The following ZNF814 variants were observed in gnomAD, a reference collection of about 807,000 sequenced individuals.
ZNF814 encodes zinc finger protein 814.
In ZNF814, 5 loss-of-function variants were observed where a neutral mutation model predicts 7.5. That is an observed-to-expected ratio of 0.67 (90% CI 0.35 to 1.40). The LOEUF is 1.40. Among genes scored for constraint, ZNF814 ranks in the 40% most tolerant of loss-of-function variants. The pLI is 0.04. For synonymous variants in ZNF814, 315 were observed against 340.7 expected (o/e 0.92, Z 0.83); for missense variants, 962 against 1,018.0 (o/e 0.94, Z 0.75).
At chr19:57,890,356 T>G (rs749193911), upstream of ZNF814, among the ~76,000 whole-genome samples, 2 of 151,920 alleles carry the variant, frequency 1.3e-5, no homozygotes, top group South Asian at 2.1e-4. Flanking sequence ...TGTTGTTGTT[T>G]ATTTGTTTGT....
the ZNF814 span, among the ~76,000 whole-genome samples, chr19:57,896,924 T>C: frequency 6.6e-6 from 1 of 152,098 alleles, no homozygotes; most frequent in East Asian, 1.9e-4. This position sits in a 1 kb window ranked among gnomAD's most constrained non-coding sequence, Gnocchi z 4.2. Context: ...TTTCAACAGT[T>C]AAAGGGAGTC....
chr19:57,869,909 C>T lies in ZNF814; in HGVS notation c.*2913G>A, dbSNP rs2071541867. 1 of 147,448 alleles carries T rather than the reference C, an allele frequency of 6.8e-6. No individual in the cohort carries two copies. Among genetic ancestry groups the T allele is most frequent in the Non-Finnish European group, 1.5e-5 (1 of 67,696 alleles). The allele number at this position is 147,448 out of a possible 1,614,324, so 9.1% of individuals were successfully genotyped here. A position where few individuals can be genotyped will look rare whatever the true frequency, so the allele number is the denominator to read the frequency against. ...GCAATGAGCCAAGGTCATGCCACTG[C>T]ACTCCAGCCTGGCTGACAGTGAGAC... On this transcript the variant is annotated 3_prime_UTR_variant, in exon 3 of 3. Coordinates refer to ENST00000435989, the MANE Select transcript of ZNF814 (RefSeq NM_001144989.2).
Position 57,874,760 on chromosome 19 carries a change from C to G in ZNF814, c.630G>C (p.Gly210=). 6.2e-7 allele frequency: 1 copy of G among 1,613,630 alleles called. No homozygotes were observed. The highest frequency in any genetic ancestry group is 8.5e-7 in the Non-Finnish European group (1 of 1,179,788). ...KTECVSPIQC[G]GAHYSCGESM... Reference sequence around the variant, plus strand: ...ATTCTCCACAGCTGTAGTGAGCTCCCCCACACTGAATGGGAGACACACACT... The same window carrying G: ...ATTCTCCACAGCTGTAGTGAGCTCCGCCACACTGAATGGGAGACACACACT... Residue 210 remains glycine (G), a synonymous_variant, in exon 3 of 3, where the codon GGG becomes GGC. Transcript: ENST00000435989.
intron 1 of ZNF814, among the ~76,000 whole-genome samples, chr19:57,884,913 C>A (rs2071677207): frequency 6.6e-6 from 1 of 152,120 alleles, no homozygotes; most frequent in South Asian, 2.1e-4. Flanking sequence ...TGGGTATAAA[C>A]CAAAAGGAAT....
the ZNF814 span, among the ~76,000 whole-genome samples, chr19:57,904,329 A>T: frequency 1.1e-3 from 167 of 152,164 alleles, no homozygotes; most frequent in African/African-American, 3.9e-3. Context: ...GGGCTCCTAG[A>T]GCTCAGGGCC....
intron 1 of ZNF814, among the ~76,000 whole-genome samples, chr19:57,887,004 A>G (rs2071699197): frequency 6.6e-6 from 1 of 151,796 alleles, no homozygotes; most frequent in African/African-American, 2.4e-5. Context: ...CCTGACCAAC[A>G]TGGAGAAACC....
chr19:57,877,298 A>T (rs1227177201), intron 1 of ZNF814, among the ~76,000 whole-genome samples: 6 of 152,140 alleles, frequency 3.9e-5, no homozygotes, highest in Non-Finnish European at 5.9e-5. Context: ...TGGAAAGCCC[A>T]ATGTGGCACC....
At chr19:57,897,139 A>G in the ZNF814 span, among the ~76,000 whole-genome samples, 2 of 152,190 alleles carry the variant, frequency 1.3e-5, no homozygotes, top group African/African-American at 2.4e-5. Flanking sequence ...TAAGGCCATA[A>G]CTGACAAAAC....
intron 1 of ZNF814, among the ~76,000 whole-genome samples, chr19:57,884,407 G>C (rs760453435): frequency 3.3e-5 from 5 of 152,134 alleles, no homozygotes; most frequent in Non-Finnish European, 5.9e-5. Flanking sequence ...GAGCCTAGGA[G>C]TTTATAACCA....
At chr19:57,875,335 G>C in intron 2 of ZNF814, 109 bp from the exon 3 acceptor site, 1 of 1,608,290 alleles carries the variant, frequency 6.2e-7, no homozygotes, top group Non-Finnish European at 8.5e-7. Context: ...GAACTACTTG[G>C]AGGAACAGGA....
the ZNF814 span, among the ~76,000 whole-genome samples, chr19:57,896,181 A>C: frequency 2.0e-5 from 3 of 152,074 alleles, no homozygotes; most frequent in Non-Finnish European, 4.4e-5. This position sits in a 1 kb window ranked among gnomAD's most constrained non-coding sequence, Gnocchi z 4.2. Flanking sequence ...CTCAAAAAAA[A>C]AAAAAAAAAA....
At chr19:57,899,416 C>G in the ZNF814 span, among the ~76,000 whole-genome samples, 2 of 152,176 alleles carry the variant, frequency 1.3e-5, no homozygotes, top group Non-Finnish European at 2.9e-5. Flanking sequence ...AACTTCTACT[C>G]CCTTTCAATA....
In ZNF814 at chr19:57,872,861, G is replaced by A. The variant is rs1471381996; in HGVS notation, c.2529C>T (p.Leu843=). The part of the protein sequence containing the change: ...CGKLFNKKSH[L]LVHQSSHWRK... ...TCCAGTGTGAACTCTGGTGTACAAG[G>A]AGGTGAGACTTCTTGTTAAATAATT... The change falls in exon 3 of 3, where the codon CTC becomes CTT. Residue 843 remains leucine, a synonymous_variant. Coordinates refer to ENST00000435989, the MANE Select transcript of ZNF814 (RefSeq NM_001144989.2). 1 of 1,612,610 alleles carries A rather than the reference G, an allele frequency of 6.2e-7. No homozygotes were observed. The highest frequency in any genetic ancestry group is 8.5e-7 in the Non-Finnish European group (1 of 1,179,426).
At chr19:57,891,904 C>T (rs145136192), upstream of ZNF814, among the ~76,000 whole-genome samples, 13 of 152,190 alleles carry the variant, frequency 8.5e-5, no homozygotes, top group East Asian at 1.9e-3. Context: ...CAGGTGCGCA[C>T]CACTATGCCC....
chr19:57,897,190 G>A, the ZNF814 span, among the ~76,000 whole-genome samples: 1 of 152,150 alleles, frequency 6.6e-6, no homozygotes, highest in Non-Finnish European at 1.5e-5. Flanking sequence ...ATATGAAAAT[G>A]CTAATACAGA....
chr19:57,880,534 C>T (rs76289651), intron 1 of ZNF814, among the ~76,000 whole-genome samples: 36,971 of 143,020 alleles, frequency 0.26, 2,489 homozygotes, highest in East Asian at 0.42. Flanking sequence ...AAGGACTGAG[C>T]TCGAGAGGTG....
intron 2 of ZNF814, among the ~76,000 whole-genome samples, chr19:57,875,943 CTTTTTTTTTTTTTTTTTTTTTTTT>C (rs567660556): frequency 1.4e-5 from 1 of 71,378 alleles, no homozygotes; most frequent in African/African-American, 5.1e-5. Flanking sequence ...CAGGGTGCCG[CTTTTTTTTTTTTTTTTTTTTTTTT>C]TTTTTTTTTT....
At chr19:57,878,027 G>C (rs148960519) in intron 1 of ZNF814, among the ~76,000 whole-genome samples, 4,725 of 151,932 alleles carry the variant, frequency 0.031, 239 homozygotes, top group African/African-American at 0.11. Context: ...TTAGCTGAGC[G>C]TGGTGTCGGG....
chr19:57,895,324 G>A, the ZNF814 span, among the ~76,000 whole-genome samples: 1 of 149,328 alleles, frequency 6.7e-6, no homozygotes, highest in East Asian at 2.0e-4. Context: ...TGCCCAGGCT[G>A]GAGTGCAGTG....
Sources: gnomAD v4.1 joint callset for allele counts (sites outside exome capture counted in the v4.1 genomes callset) on GRCh38, gnomAD v4.1.1 for gene constraint, Gnocchi (gnomAD v3.1) non-coding constraint, MANE v1.5 for transcripts, NCBI Gene and HGNC (gene_info 2026-07-23, HGNC 2026-07-21) for gene names.